TIMM17A: variants seen among roughly 807,000 people sequenced by gnomAD.
TIMM17A encodes the protein translocase of inner mitochondrial membrane 17A, also known as mitochondrial import inner membrane translocase subunit Tim17-A.
A neutral mutation model predicts 26.5 loss-of-function variants in TIMM17A; 15 were observed. The ratio of observed to expected loss-of-function variants is 0.57; its 90% CI spans 0.38 to 0.87. The LOEUF (loss-of-function observed/expected upper bound fraction) is 0.87, where lower values mean the gene tolerates loss of function less well. TIMM17A is among the 40% of genes least tolerant of loss of function. The pLI, the probability that TIMM17A is intolerant of heterozygous loss-of-function variation, is 0.00. For synonymous variants in TIMM17A, 80 were observed against 70.8 expected (o/e 1.13, Z -0.66); for missense variants, 201 against 210.0 (o/e 0.96, Z 0.27).
intron 5 of TIMM17A, 75 bp from the exon 6 acceptor site, chr1:201,969,394 C>A: frequency 8.4e-7 from 1 of 1,184,856 alleles, no homozygotes; most frequent in Non-Finnish European, 1.2e-6. Context: ...TTGATTTACT[C>A]TCTATAGAGA....
intron 4 of TIMM17A, among the ~76,000 whole-genome samples, chr1:201,964,948 CTATT>C (rs1198706900): frequency 4.1e-5 from 6 of 148,146 alleles, no homozygotes; most frequent in South Asian, 4.3e-4. Context: ...GCGCCCGGCC[CTATT>C]TATTTATTTA....
intron 3 of TIMM17A, among the ~76,000 whole-genome samples, chr1:201,958,721 G>A (rs889637477): frequency 6.6e-6 from 1 of 152,142 alleles, no homozygotes; most frequent in Admixed American, 6.5e-5. Flanking sequence ...CAACACAAGG[G>A]TATAGTTAGA....
intron 3 of TIMM17A, among the ~76,000 whole-genome samples, chr1:201,960,280 A>G (rs1363945234): frequency 6.6e-6 from 1 of 151,934 alleles, no homozygotes; most frequent in African/African-American, 2.4e-5. Flanking sequence ...GGCACCTGTA[A>G]TCCTAGCTAC....
rs944625060 is a variant in TIMM17A at position 201,969,698 on chromosome 1, A to G, written c.*144A>G. The stretch of plus-strand genomic sequence containing the variant: ...AAAGAGACATTTAGCACTTTTTTCT[A>G]TTTAAAGGAACAAGCGGGGAAGGGT... On this transcript the variant is annotated 3_prime_UTR_variant, in exon 6 of 6. Coordinates refer to ENST00000367287, the MANE Select transcript of TIMM17A (RefSeq NM_006335.3). 13 of 594,874 alleles carry G rather than the reference A, an allele frequency of 2.2e-5. No individual in the cohort carries two copies. The South Asian group carries it at 2.9e-4, about 13-fold the overall frequency. 36.8% of individuals were successfully genotyped at this position (594,874 alleles called of 1,614,324 possible).
rs771250158 is a variant in TIMM17A, at chr1:201,959,218, C to T, written c.190+1644C>T. On this transcript the variant is annotated intron_variant, in intron 3 of 5. Transcript: ENST00000367287. ...TAGCAACTAAATTATTAGCTGGGCC[C>T]GGTGGTGCATGCCTGTAGTCCCAGC... Among the ~76,000 whole-genome samples, 4 of 152,108 alleles carry T rather than the reference C, an allele frequency of 2.6e-5. No individual in the cohort carries two copies. In the South Asian group the frequency reaches 8.3e-4, roughly 32 times the overall value.
chr1:201,968,473 A>C lies in TIMM17A; in HGVS notation c.431-996A>C, dbSNP rs573518350. ...AATGGCGCGATCTCTTCTCACTGCA[A>C]CCTCCACCTCCCAGGTTCAAGTGAT... is the stretch of plus-strand genomic sequence containing the variant. On this transcript the variant is annotated intron_variant, in intron 5 of 5. Coordinates refer to ENST00000367287, the MANE Select transcript of TIMM17A (RefSeq NM_006335.3). 5.0e-4 allele frequency among the ~76,000 whole-genome samples: 75 copies of C among 150,226 alleles called. 1 individual carries two copies. Among genetic ancestry groups the C allele is most frequent in the African/African-American group, 1.5e-3 (63 of 40,818 alleles).
At position 201,965,436 on chromosome 1, in the gene TIMM17A, G is replaced by A. The variant is rs1388678602; in HGVS notation, c.323G>A (p.Gly108Glu). The A allele has an allele frequency of 6.2e-7, 1 of 1,601,444 alleles. No homozygotes were observed. Among genetic ancestry groups the A allele is most frequent in the Admixed American group, 1.7e-5 (1 of 60,004 alleles). Residue 108 changes from glycine to glutamate, a missense_variant, in exon 5 of 6, where the codon GGA becomes GAA. By Grantham distance (98) the Gly-to-Glu change is moderately conservative. Transcript: ENST00000367287. ...LTGAILAARN[G>E]PVAMVGSAAM... ...TCTTTGTTATTAATGTCTTCAGATG[G>A]ACCAGTGGCCATGGTTGGGTCAGCC...
At chr1:201,969,354 C>A in intron 5 of TIMM17A, 115 bp from the exon 6 acceptor site, 1 of 821,138 alleles carries the variant, frequency 1.2e-6, no homozygotes, top group Non-Finnish European at 1.9e-6. Context: ...AGGGTTATAG[C>A]TTTAATTTAG....
chr1:201,961,751 A>G (rs529321887), intron 3 of TIMM17A, among the ~76,000 whole-genome samples: 6 of 152,108 alleles, frequency 3.9e-5, no homozygotes, highest in Non-Finnish European at 8.8e-5. Context: ...ATCTATACAT[A>G]CTGAAAATCA....
rs542849918 is a variant in TIMM17A at position 201,957,383 on chromosome 1, A to G, written c.126+3A>G. The G allele has an allele frequency of 6.2e-7, 1 of 1,609,818 alleles. No homozygotes were observed. Among genetic ancestry groups the G allele is most frequent in the African/African-American group, 1.3e-5 (1 of 74,940 alleles). ...AAGGTTTTCGCAATTCTCCAGTGGTAAGTGGGTGAATGGTCTTATTTTATC... is the reference window on the plus strand; with the variant it reads ...AAGGTTTTCGCAATTCTCCAGTGGTGAGTGGGTGAATGGTCTTATTTTATC... On this transcript the variant is annotated splice_donor_region_variant and intron_variant, in intron 2 of 5. Transcript: ENST00000367287.
At chr1:201,958,450 C>G (rs988487560) in intron 3 of TIMM17A, among the ~76,000 whole-genome samples, 1 of 152,254 alleles carries the variant, frequency 6.6e-6, no homozygotes, top group African/African-American at 2.4e-5. Context: ...CGCCAATAAT[C>G]CCAGCAGTTT....
At chr1:201,963,536 G>T (rs1457075774) in intron 3 of TIMM17A, 80 bp from the exon 4 acceptor site, 1 of 1,451,154 alleles carries the variant, frequency 6.9e-7, no homozygotes, top group Non-Finnish European at 9.4e-7. Flanking sequence ...ACTATAGTGA[G>T]TATGTTTTTG....
Position 201,957,520 on chromosome 1 carries a change from C to T in TIMM17A, c.136C>T (p.His46Tyr), listed in dbSNP as rs768323386. The part of the protein sequence containing the change: ...GFRNSPVGVN[H>Y]RLRGSLTAIK... The stretch of plus-strand genomic sequence containing the variant: ...CTTTTTTTTGTTATAGGGAGTAAAC[C>T]ACAGACTACGAGGGAGTTTGACAGC... Residue 46 changes from histidine to tyrosine, a missense_variant, in exon 3 of 6, where the codon CAC becomes TAC. Physicochemically the swap from His to Tyr is moderately conservative, Grantham distance 83. Transcript: ENST00000367287. The T allele has an allele frequency of 3.3e-5, 53 of 1,613,508 alleles. 1 individual carries two copies. The South Asian group carries it at 5.5e-4, about 17-fold the overall frequency.
intron 3 of TIMM17A, chr1:201,957,784 C>T: frequency 4.1e-6 from 2 of 490,266 alleles, no homozygotes; most frequent in Middle Eastern, 5.5e-4. Flanking sequence ...TGTCTCTGTC[C>T]TTCAGACACT....
At chr1:201,963,346 G>T (rs1298574923) in intron 3 of TIMM17A, 1 of 302,720 alleles carries the variant, frequency 3.3e-6, no homozygotes, top group Admixed American at 5.7e-5. Context: ...AAAGTGCTGG[G>T]ATTACAGGTG....
intron 5 of TIMM17A, among the ~76,000 whole-genome samples, chr1:201,967,656 C>T (rs1682659535): frequency 6.6e-6 from 1 of 151,448 alleles, no homozygotes; most frequent in Non-Finnish European, 1.5e-5. Flanking sequence ...GATCCTCCCA[C>T]CTCAGCCTCT....
intron 5 of TIMM17A, among the ~76,000 whole-genome samples, chr1:201,967,962 A>T (rs1310331530): frequency 6.6e-6 from 1 of 151,980 alleles, no homozygotes. Flanking sequence ...TTGAAAACTT[A>T]ATCATATTTT....
rs1682610372 is a variant in TIMM17A, at chr1:201,965,410, CTCTT to C, written c.320-21_320-18del. On this transcript the variant is annotated intron_variant, in intron 4 of 5. Coordinates refer to ENST00000367287, the MANE Select transcript of TIMM17A (RefSeq NM_006335.3). ...AAACTAGATTTCTGTAAAAAATAAT[CTCTT>C]TGTTATTAATGTCTTCAGATGGACC... The C allele has an allele frequency of 6.7e-7, 1 of 1,497,056 alleles. No homozygotes were observed. Among genetic ancestry groups the C allele is most frequent in the African/African-American group, 1.4e-5 (1 of 72,806 alleles). The allele number at this position is 1,497,056 out of a possible 1,614,324, so 92.7% of individuals were successfully genotyped here. A position where few individuals can be genotyped will look rare whatever the true frequency, so the allele number is the denominator to read the frequency against.
chr1:201,958,707 C>T (rs1285422666), intron 3 of TIMM17A, among the ~76,000 whole-genome samples: 1 of 152,132 alleles, frequency 6.6e-6, no homozygotes, highest in Non-Finnish European at 1.5e-5. Flanking sequence ...GCAACAAAAA[C>T]AAACAACACA....
Sources: allele counts gnomAD v4.1 joint callset (sites outside exome capture counted in the v4.1 genomes callset), GRCh38; gene constraint gnomAD v4.1.1; transcripts MANE v1.5; gene names NCBI Gene and HGNC (gene_info 2026-07-23, HGNC 2026-07-21).